APOBEC3G: variants seen among roughly 807,000 people sequenced by gnomAD.
APOBEC3G encodes DNA dC->dU-editing enzyme APOBEC-3G.
APOBEC3G carries 44 observed loss-of-function variants against 50.0 expected under a neutral mutation model. The ratio of observed to expected loss-of-function variants is 0.88; its 90% CI spans 0.69 to 1.13. APOBEC3G has a LOEUF of 1.13. APOBEC3G is among the 50% of genes most tolerant of loss of function. APOBEC3G has a pLI of 0.00. For synonymous variants in APOBEC3G, 156 were observed against 175.3 expected (o/e 0.89, Z 0.87); for missense variants, 469 against 492.0 (o/e 0.95, Z 0.44).
rs182753112 is a variant in APOBEC3G at position 39,081,475 on chromosome 22, T to C, written c.471T>C (p.Phe157=). ...ATMKIMNYDE[F]QHCWSKFVYS... Reference sequence around the variant, plus strand: ...GTTCTCTCTTCTTTTTCTTAGAATTTCAGCACTGTTGGAGCAAGTTCGTGT... The same window carrying C: ...GTTCTCTCTTCTTTTTCTTAGAATTCCAGCACTGTTGGAGCAAGTTCGTGT... The change falls in exon 4 of 8, where the codon TTT becomes TTC. Residue 157 remains phenylalanine, a synonymous_variant. Coordinates refer to ENST00000407997, the MANE Select transcript of APOBEC3G (RefSeq NM_021822.4). 6.2e-7 allele frequency: 1 copy of C among 1,614,068 alleles called. No homozygotes were observed. The highest frequency in any genetic ancestry group is 1.7e-5 in the Admixed American group (1 of 60,008).
rs1289542662 is a variant in APOBEC3G, at chr22:39,081,123, C to A, written c.362C>A (p.Ala121Asp). 1.6e-5 allele frequency: 26 copies of A among 1,614,120 alleles called. No individual in the cohort carries two copies. Among genetic ancestry groups the A allele is most frequent in the Non-Finnish European group, 2.1e-5 (25 of 1,180,038 alleles). Reference protein sequence around the residue: ...DPKVTLTIFVARLYYFWDPDY... With the variant: ...DPKVTLTIFVDRLYYFWDPDY... ...AAGGTTACCCTGACCATCTTTGTTG[C>A]CCGCCTCTACTACTTCTGGGACCCA... The change falls in exon 3 of 8, where the codon GCC (alanine) becomes GAC (aspartate). Residue 121 changes from alanine to aspartate, a missense_variant. Transcript: ENST00000407997.
chr22:39,077,252 G>A, upstream of APOBEC3G: 2 of 1,545,116 alleles, frequency 1.3e-6, no homozygotes, highest in Non-Finnish European at 1.8e-6. Context: ...TGACTACGAG[G>A]CCCTGGGAGG....
chr22:39,078,849 G>C (rs1419725643), intron 1 of APOBEC3G, 83 bp from the exon 2 acceptor site: 2 of 1,566,642 alleles, frequency 1.3e-6, no homozygotes, highest in South Asian at 1.2e-5. Flanking sequence ...GAGCCGTCCA[G>C]GGGGCTGTGT....
chr22:39,077,448 C>T, intron 1 of APOBEC3G, 70 bp downstream of exon 1: 2 of 1,555,440 alleles, frequency 1.3e-6, no homozygotes, highest in Non-Finnish European at 1.7e-6. Flanking sequence ...TGCTGGGCGT[C>T]AGCCCTGGCC....
At chr22:39,081,431 G>C (rs1253713252) in intron 3 of APOBEC3G, 40 bp from the exon 4 acceptor site, 5 of 1,595,972 alleles carry the variant, frequency 3.1e-6, no homozygotes, top group Non-Finnish European at 4.3e-6. Flanking sequence ...CAGAAGAGAG[G>C]CCAGCTGGGC....
intron 5 of APOBEC3G, 147 bp from the exon 6 acceptor site, chr22:39,086,132 C>T (rs1928678420): frequency 2.2e-6 from 2 of 911,858 alleles, no homozygotes; most frequent in East Asian, 2.8e-5. Flanking sequence ...TGGAGAAACC[C>T]CTTTTCTACT....
intron 2 of APOBEC3G, 66 bp from the exon 3 acceptor site, chr22:39,080,866 CT>C (rs1928406842): frequency 1.6e-6 from 2 of 1,251,692 alleles, no homozygotes. Flanking sequence ...CCTCCTCCCC[CT>C]GCCCCACCCC....
rs577373009 is a variant in APOBEC3G, at chr22:39,077,760, G to T, written c.17+382G>T. Among the ~76,000 whole-genome samples, 27 of 152,314 alleles carry T rather than the reference G, an allele frequency of 1.8e-4. 1 individual carries two copies. In the South Asian group the frequency reaches 4.1e-3, roughly 23 times the overall value. ...GAGCAAGGTGGAATTTTGTTCACAG[G>T]GCTTTGATGGATTTTCTGTAAGATT... On this transcript the variant is annotated intron_variant, in intron 1 of 7. Coordinates refer to ENST00000407997, the MANE Select transcript of APOBEC3G (RefSeq NM_021822.4).
intron 4 of APOBEC3G, 83 bp from the exon 5 acceptor site, chr22:39,083,648 A>AGGGAGGAAGCGTGGAGAGGG: frequency 6.7e-7 from 1 of 1,495,916 alleles, no homozygotes; most frequent in Non-Finnish European, 9.1e-7. Flanking sequence ...GTGGGGTGCA[A>AGGGAGGAAGCGTGGAGAGGG]GGGAGGAAGC....
Position 39,077,518 on chromosome 22 carries a change from C to G in APOBEC3G, c.17+140C>G, listed in dbSNP as rs536177756. The G allele has an allele frequency of 1.7e-4, 242 of 1,448,292 alleles. No homozygotes were observed. The African/African-American group carries it at 2.5e-3, about 15-fold the overall frequency. 89.7% of individuals were successfully genotyped at this position (1,448,292 alleles called of 1,614,324 possible). ...CCCTCTGACTCCCCTGCACCCCCTA[C>G]TCCCAGCCAGGCTCCTTGCCCTGCT... is the stretch of plus-strand genomic sequence containing the variant. On this transcript the variant is annotated intron_variant, in intron 1 of 7. Coordinates refer to ENST00000407997, the MANE Select transcript of APOBEC3G (RefSeq NM_021822.4).
At position 39,083,903 on chromosome 22, in the gene APOBEC3G, C is replaced by T. The variant is rs201701375; in HGVS notation, c.735+19C>T. ...CAACCAGGTGACCAACCCAGCCACC[C>T]GCATCCAGGCAGGGCCCTCCCAACC... On this transcript the variant is annotated intron_variant, in intron 5 of 7. Coordinates refer to ENST00000407997, the MANE Select transcript of APOBEC3G (RefSeq NM_021822.4). The T allele has an allele frequency of 6.1e-4, 979 of 1,608,906 alleles. 6 individuals are homozygous for T. The highest frequency in any genetic ancestry group is 1.6e-3 in the Middle Eastern group (9 of 5,668).
intron 1 of APOBEC3G, 126 bp downstream of exon 1, chr22:39,077,504 C>T (rs1427055174): frequency 4.7e-6 from 7 of 1,484,466 alleles, no homozygotes; most frequent in East Asian, 2.5e-5. Context: ...CCTCTGACTC[C>T]CCTGCACCCC....
At chr22:39,080,738 C>A in intron 2 of APOBEC3G, 195 bp from the exon 3 acceptor site, 1 of 606,052 alleles carries the variant, frequency 1.7e-6, no homozygotes, top group Non-Finnish European at 2.9e-6. Flanking sequence ...CTCTTAAGGC[C>A]ATTACCATAG....
chr22:39,086,343 C>A lies in APOBEC3G; in HGVS notation c.800C>A (p.Pro267His). Residue 267 changes from proline to histidine, a missense_variant, in exon 6 of 8, where the codon CCC (proline) becomes CAC (histidine). Pro to His is a moderately conservative substitution (Grantham distance 77). Transcript: ENST00000407997. ...GAGCTGTGCTTCCTGGACGTGATTC[C>A]CTTTTGGAAGCTGGACCTGGACCAG... is the stretch of plus-strand genomic sequence containing the variant. ...HAELCFLDVI[P>H]FWKLDLDQDY... 1 of 1,613,810 alleles carries A rather than the reference C, an allele frequency of 6.2e-7. No individual in the cohort carries two copies. Among genetic ancestry groups the A allele is most frequent in the South Asian group, 1.1e-5 (1 of 91,062 alleles).
chr22:39,081,686 G>C (rs896932033), intron 4 of APOBEC3G, 101 bp downstream of exon 4: 2 of 933,514 alleles, frequency 2.1e-6, no homozygotes, highest in African/African-American at 3.4e-5. Context: ...TCCTGGCCAG[G>C]CCCTCCTGCC....
In APOBEC3G at chr22:39,086,984, T is replaced by C. The variant is rs1208740343; in HGVS notation, c.1025-27T>C. ...CCACCACGATCCCACAGCGGGAGTG[T>C]GACTTATCTCCCCTGTCCCTTTTCA... On this transcript the variant is annotated intron_variant, in intron 6 of 7. Transcript: ENST00000407997. 9.5e-6 allele frequency: 15 copies of C among 1,576,864 alleles called. No individual in the cohort carries two copies. In the South Asian group the frequency reaches 1.7e-4, roughly 18 times the overall value.
intron 5 of APOBEC3G, 41 bp from the exon 6 acceptor site, chr22:39,086,238 A>G: frequency 7.1e-7 from 1 of 1,408,194 alleles, no homozygotes; most frequent in Non-Finnish European, 9.5e-7. Flanking sequence ...CTCTGTCTCA[A>G]AAAAAAAAAA....
At chr22:39,080,040 ATC>A (rs1928362519) in intron 2 of APOBEC3G, 1 of 160,250 alleles carries the variant, frequency 6.2e-6, no homozygotes, top group Non-Finnish European at 1.4e-5. Flanking sequence ...GCGAAACTCC[ATC>A]TCAAAAAAAA....
intron 5 of APOBEC3G, 33 bp from the exon 6 acceptor site, chr22:39,086,246 A>AG (rs779933806): frequency 6.5e-7 from 1 of 1,531,556 alleles, no homozygotes; most frequent in East Asian, 2.3e-5. Context: ...CAAAAAAAAA[A>AG]AAGATTACCT....
Sources: gnomAD v4.1 joint callset for allele counts (sites outside exome capture counted in the v4.1 genomes callset) on GRCh38, gnomAD v4.1.1 for gene constraint, MANE v1.5 for transcripts, NCBI Gene and HGNC (gene_info 2026-07-23, HGNC 2026-07-21) for gene names.